MEI4: variants seen among roughly 807,000 people sequenced by gnomAD.
The protein encoded by MEI4 is meiosis-specific protein MEI4.
MEI4 carries 27 observed loss-of-function variants against 31.4 expected under a neutral mutation model. The ratio of observed to expected loss-of-function variants is 0.86; its 90% CI spans 0.63 to 1.19. The LOEUF (loss-of-function observed/expected upper bound fraction) is 1.19, where lower values mean the gene tolerates loss of function less well. MEI4 is among the 50% of genes most tolerant of loss of function. The pLI, the probability that MEI4 is intolerant of heterozygous loss-of-function variation, is 0.00. For synonymous variants in MEI4, 122 were observed against 145.4 expected (o/e 0.84, Z 1.16); for missense variants, 329 against 398.9 (o/e 0.82, Z 1.49).
At chr6:77,916,657 T>A (rs1331474037) in intron 4 of MEI4, among the ~76,000 whole-genome samples, 3 of 152,066 alleles carry the variant, frequency 2.0e-5, no homozygotes, top group African/African-American at 7.2e-5. Context: ...AGATCCCATA[T>A]CAAGAACCCA....
intron 4 of MEI4, among the ~76,000 whole-genome samples, chr6:77,906,801 G>A (rs575233025): frequency 6.6e-6 from 1 of 152,250 alleles, no homozygotes; most frequent in African/African-American, 2.4e-5. Flanking sequence ...CAAGGCATGG[G>A]TGATTATGAA....
chr6:77,762,690 A>G (rs1768072651), intron 3 of MEI4, among the ~76,000 whole-genome samples: 2 of 152,180 alleles, frequency 1.3e-5, no homozygotes, highest in Non-Finnish European at 2.9e-5. Flanking sequence ...TGATAAACCA[A>G]TTTGTTTCAT....
At chr6:77,736,671 G>A (rs978070979) in intron 2 of MEI4, among the ~76,000 whole-genome samples, 1 of 151,950 alleles carries the variant, frequency 6.6e-6, no homozygotes, top group African/African-American at 2.4e-5. Flanking sequence ...CCTTAATTCA[G>A]TATTTGTGAG....
Position 77,761,374 on chromosome 6 carries a change from A to G in MEI4, c.477A>G (p.Glu159=). 2 of 1,232,360 alleles carry G rather than the reference A, an allele frequency of 1.6e-6. No individual in the cohort carries two copies. The highest frequency in any genetic ancestry group is 2.0e-6 in the Non-Finnish European group (2 of 987,984). The allele number at this position is 1,232,360 out of a possible 1,614,324, so 76.3% of individuals were successfully genotyped here. ...TGCAATTCTTGCAATATCTACTTGAATTAAAGAACTTGACAGAATCAGGTA... is the reference window on the plus strand; with the variant it reads ...TGCAATTCTTGCAATATCTACTTGAGTTAAAGAACTTGACAGAATCAGGTA... ...SHMQFLQYLL[E]LKNLTESGNL... Residue 159 remains glutamate, a synonymous_variant, in exon 3 of 5, where the codon GAA becomes GAG. Transcript: ENST00000684080.
chr6:77,663,241 G>A (rs148837980), intron 1 of MEI4, among the ~76,000 whole-genome samples: 6,415 of 152,152 alleles, frequency 0.042, 379 homozygotes, highest in African/African-American at 0.15. Flanking sequence ...AGGCCATGCT[G>A]TAGCAGGCAA....
intron 3 of MEI4, among the ~76,000 whole-genome samples, chr6:77,818,657 T>C (rs1219242354): frequency 1.3e-5 from 2 of 152,168 alleles, no homozygotes; most frequent in Non-Finnish European, 2.9e-5. Context: ...ATGTTGTGAT[T>C]TGTGATATTT....
intron 3 of MEI4, among the ~76,000 whole-genome samples, chr6:77,792,145 T>C (rs943808372): frequency 2.6e-5 from 4 of 152,222 alleles, no homozygotes; most frequent in African/African-American, 9.6e-5. Flanking sequence ...AAAGGATGAA[T>C]AGTATTCCAT....
chr6:77,805,664 A>G (rs550638734), intron 3 of MEI4, among the ~76,000 whole-genome samples: 2 of 152,128 alleles, frequency 1.3e-5, no homozygotes, highest in African/African-American at 4.8e-5. Flanking sequence ...AACACCTTAC[A>G]GTTTAAAAAT....
At chr6:77,804,122 A>C (rs570664953) in intron 3 of MEI4, among the ~76,000 whole-genome samples, 1 of 152,194 alleles carries the variant, frequency 6.6e-6, no homozygotes, top group East Asian at 1.9e-4. Context: ...GGCTCCACCC[A>C]GTTCGAGCTT....
chr6:77,917,132 G>A (rs1766577884), intron 4 of MEI4, among the ~76,000 whole-genome samples: 1 of 151,850 alleles, frequency 6.6e-6, no homozygotes, highest in Non-Finnish European at 1.5e-5. Context: ...AGTATTCCGT[G>A]GTGTATATGT....
At chr6:77,862,363 G>C (rs1235043702) in intron 4 of MEI4, among the ~76,000 whole-genome samples, 1 of 152,188 alleles carries the variant, frequency 6.6e-6, no homozygotes, top group African/African-American at 2.4e-5. Context: ...GGAAAATCAG[G>C]TCACTCCCAC....
upstream of MEI4, among the ~76,000 whole-genome samples, chr6:77,650,991 G>T (rs1321538813): frequency 6.6e-6 from 1 of 152,220 alleles, no homozygotes; most frequent in East Asian, 1.9e-4. Flanking sequence ...GTGAAGTGCT[G>T]TAGGTGTCAA....
intron 4 of MEI4, among the ~76,000 whole-genome samples, chr6:77,921,454 TG>T (rs2127742882): frequency 6.6e-6 from 1 of 151,958 alleles, no homozygotes; most frequent in East Asian, 1.9e-4. Flanking sequence ...ATTTTTTCCA[TG>T]TTACCAGTCG....
At chr6:77,671,499 TG>T (rs1421486415) in intron 1 of MEI4, among the ~76,000 whole-genome samples, 1 of 152,132 alleles carries the variant, frequency 6.6e-6, no homozygotes, top group Non-Finnish European at 1.5e-5. Flanking sequence ...AATGTTAAAA[TG>T]AAAAAAAACC....
chr6:77,699,250 C>T (rs1432470371), intron 2 of MEI4, among the ~76,000 whole-genome samples: 7 of 135,298 alleles, frequency 5.2e-5, no homozygotes, highest in East Asian at 2.4e-4. Flanking sequence ...AGTGCAGTGG[C>T]GGGATCTCGG....
chr6:77,733,056 A>G (rs113784837), intron 2 of MEI4, among the ~76,000 whole-genome samples: 1 of 151,864 alleles, frequency 6.6e-6, no homozygotes, highest in South Asian at 2.1e-4. Context: ...TTTTTGCATC[A>G]ATGTTCATCA....
chr6:77,809,330 A>G (rs1447219350), intron 3 of MEI4, among the ~76,000 whole-genome samples: 1 of 152,208 alleles, frequency 6.6e-6, no homozygotes, highest in African/African-American at 2.4e-5. Flanking sequence ...CTTTACAAAA[A>G]TAGTTTAGTG....
intron 2 of MEI4, among the ~76,000 whole-genome samples, chr6:77,710,539 A>AAAAAAAAAAAAAAG (rs1561953994): frequency 8.3e-6 from 1 of 120,744 alleles, no homozygotes; most frequent in Non-Finnish European, 1.7e-5. Context: ...AAAAAAAAAA[A>AAAAAAAAAAAAAAG]AAAGAAAAGG....
intron 4 of MEI4, among the ~76,000 whole-genome samples, chr6:77,839,173 C>T (rs1049761312): frequency 2.6e-5 from 4 of 151,946 alleles, no homozygotes; most frequent in Middle Eastern, 3.2e-3. Context: ...AAGGAATCCT[C>T]GGGACTTTTG....
Sources: allele counts gnomAD v4.1 joint callset (sites outside exome capture counted in the v4.1 genomes callset), GRCh38; gene constraint gnomAD v4.1.1; transcripts MANE v1.5; gene names NCBI Gene and HGNC (gene_info 2026-07-23, HGNC 2026-07-21).